The following DPP6 variants were observed in gnomAD, a reference collection of about 807,000 sequenced individuals.
DPP6 encodes the protein A-type potassium channel modulatory protein DPP6.
Under a neutral mutation model 122.6 loss-of-function variants are expected in DPP6, and 69 were observed. The observed-to-expected ratio is 0.56, with a 90% CI of 0.46 to 0.69. DPP6 has a LOEUF of 0.69. Ranked by LOEUF, DPP6 falls within the 30% of genes least tolerant of loss-of-function variation. The probability of loss-of-function intolerance (pLI) is 0.00; values close to 1 mark genes in which losing one functional copy is unlikely to be tolerated. For missense variants in DPP6, 928 were observed against 1,116.9 expected (o/e 0.83, Z 2.41); for synonymous variants, 418 against 433.1 (o/e 0.97, Z 0.43).
chr7:154,680,015 G>A (rs775179127), intron 7 of DPP6, among the ~76,000 whole-genome samples: 3 of 152,144 alleles, frequency 2.0e-5, no homozygotes, highest in African/African-American at 2.4e-5. Context: ...GGATGGGGTC[G>A]TATGACAGAG....
At chr7:154,094,935 T>C (rs558187231) in intron 1 of DPP6, 2 of 152,374 alleles carry the variant, frequency 1.3e-5, no homozygotes, top group Admixed American at 6.5e-5. Context: ...CTTTCTACTT[T>C]CTACATCTTC....
At chr7:154,315,158 C>T (rs1309363430) in intron 1 of DPP6, among the ~76,000 whole-genome samples, 3 of 152,158 alleles carry the variant, frequency 2.0e-5, no homozygotes, top group South Asian at 2.1e-4. Context: ...GTAAATTATG[C>T]ATGCTTTGGA....
intron 1 of DPP6, among the ~76,000 whole-genome samples, chr7:153,958,276 G>A (rs1285127023): frequency 2.0e-5 from 3 of 152,162 alleles, no homozygotes; most frequent in Admixed American, 6.5e-5. Flanking sequence ...CAGGGCTGGG[G>A]GAGTGCACTT....
intron 7 of DPP6, among the ~76,000 whole-genome samples, chr7:154,711,941 C>CACACACACACACACACA (rs1240770446): frequency 9.8e-4 from 34 of 34,674 alleles, no homozygotes; most frequent in South Asian, 4.4e-3. Context: ...TCACTTAATA[C>CACACACACACACACACA]ACACACACAC....
chr7:154,636,533 A>G (rs1835735755), intron 5 of DPP6, among the ~76,000 whole-genome samples: 1 of 152,224 alleles, frequency 6.6e-6, no homozygotes, highest in Non-Finnish European at 1.5e-5. Flanking sequence ...CTTTATGACT[A>G]AAGCAGCACT....
chr7:153,999,085 C>T (rs1797573298), intron 1 of DPP6, among the ~76,000 whole-genome samples: 1 of 152,232 alleles, frequency 6.6e-6, no homozygotes. Context: ...GGCAGGGTTC[C>T]AAGTGGGCAG....
intron 21 of DPP6, among the ~76,000 whole-genome samples, chr7:154,881,383 G>T (rs891983509): frequency 6.6e-6 from 1 of 152,206 alleles, no homozygotes; most frequent in Non-Finnish European, 1.5e-5. Context: ...AACCAGAGCC[G>T]CTCCCATCTG....
intron 10 of DPP6, among the ~76,000 whole-genome samples, chr7:154,780,067 G>T (rs1011142787): frequency 2.6e-5 from 4 of 152,200 alleles, no homozygotes; most frequent in Admixed American, 2.6e-4. Context: ...GGGGGCACCA[G>T]TTCAAGGAGA....
intron 1 of DPP6, among the ~76,000 whole-genome samples, chr7:154,035,970 T>A (rs1223935823): frequency 6.6e-6 from 1 of 151,682 alleles, no homozygotes; most frequent in African/African-American, 2.4e-5. Context: ...GAAAGGAGAG[T>A]ATGGCATGAA....
chr7:154,749,192 GGCTTTACT>G, intron 8 of DPP6, among the ~76,000 whole-genome samples: 1 of 143,310 alleles, frequency 7.0e-6, no homozygotes, highest in African/African-American at 2.6e-5. Flanking sequence ...GAGGGATGGC[GGCTTTACT>G]GAGAGAGGGT....
chr7:154,283,676 G>A (rs1386885188), intron 1 of DPP6, among the ~76,000 whole-genome samples: 1 of 152,200 alleles, frequency 6.6e-6, no homozygotes, highest in Non-Finnish European at 1.5e-5. Flanking sequence ...CAGAACTTGT[G>A]CATCGTTGAT....
intron 8 of DPP6, among the ~76,000 whole-genome samples, chr7:154,766,395 G>A (rs999186541): frequency 3.3e-5 from 5 of 152,048 alleles, no homozygotes; most frequent in African/African-American, 4.8e-5. Flanking sequence ...TCGGCTCACC[G>A]CAACCTCCCA....
At chr7:153,830,174 T>C in the DPP6 span, among the ~76,000 whole-genome samples, 1 of 152,258 alleles carries the variant, frequency 6.6e-6, no homozygotes, top group Non-Finnish European at 1.5e-5. Flanking sequence ...ATTATATTAA[T>C]TTAACTCACT....
chr7:154,745,642 G>C (rs907918754), intron 8 of DPP6, among the ~76,000 whole-genome samples: 1 of 152,220 alleles, frequency 6.6e-6, no homozygotes, highest in Non-Finnish European at 1.5e-5. Flanking sequence ...CACCTGCTTA[G>C]CTTCTGGTGA....
chr7:154,800,588 G>A (rs552569466), intron 12 of DPP6, among the ~76,000 whole-genome samples: 78 of 152,332 alleles, frequency 5.1e-4, no homozygotes, highest in Middle Eastern at 3.4e-3. Context: ...GGCAGAGATG[G>A]TGGCGACACC....
intron 1 of DPP6, among the ~76,000 whole-genome samples, chr7:154,173,256 A>C (rs1302850621): frequency 6.6e-6 from 1 of 152,214 alleles, no homozygotes; most frequent in Admixed American, 6.5e-5. Context: ...GAGACTCATC[A>C]CAATTTGTTT....
intron 1 of DPP6, among the ~76,000 whole-genome samples, chr7:154,275,618 T>C (rs1026342589): frequency 1.3e-5 from 2 of 152,196 alleles, no homozygotes; most frequent in Admixed American, 1.3e-4. Context: ...ATTGAAGAAA[T>C]TCACCCCTGG....
intron 7 of DPP6, among the ~76,000 whole-genome samples, chr7:154,725,566 A>G (rs1244558328): frequency 6.6e-6 from 1 of 152,248 alleles, no homozygotes; most frequent in South Asian, 2.1e-4. Context: ...CACCCCCATG[A>G]TCCATTCACC....
the DPP6 span, among the ~76,000 whole-genome samples, chr7:153,867,894 A>G: frequency 1.3e-5 from 2 of 152,210 alleles, no homozygotes; most frequent in Non-Finnish European, 2.9e-5. Flanking sequence ...CCTTTTATGC[A>G]TCTATTGAGA....
Sources: gnomAD v4.1 joint callset for allele counts (sites outside exome capture counted in the v4.1 genomes callset) on GRCh38, gnomAD v4.1.1 for gene constraint, MANE v1.5 for transcripts, NCBI Gene and HGNC (gene_info 2026-07-23, HGNC 2026-07-21) for gene names.